PEG3: variants seen among roughly 807,000 people sequenced by gnomAD.
The protein encoded by PEG3 is paternally-expressed gene 3 protein.
A neutral mutation model predicts 35.5 loss-of-function variants in PEG3; 23 were observed. That is an observed-to-expected ratio of 0.65 (90% CI 0.47 to 0.92). The LOEUF (loss-of-function observed/expected upper bound fraction) is 0.92. PEG3 is among the 40% of genes least tolerant of loss of function. The probability of loss-of-function intolerance (pLI) is 0.00; values close to 1 mark genes in which losing one functional copy is unlikely to be tolerated. For missense variants in PEG3, 1,960 were observed against 1,985.3 expected (o/e 0.99, Z 0.24); for synonymous variants, 707 against 697.0 (o/e 1.01, Z -0.23).
rs2060089669 is a variant in PEG3, at chr19:56,817,521, A to G, written c.921T>C (p.Asp307=). 5.0e-6 allele frequency: 8 copies of G among 1,606,164 alleles called. No homozygotes were observed. Among genetic ancestry groups the G allele is most frequent in the Non-Finnish European group, 6.8e-6 (8 of 1,175,530 alleles). Residue 307 remains aspartate, a synonymous_variant, in exon 10 of 10, where the codon GAT becomes GAC. Coordinates refer to ENST00000326441, the MANE Select transcript of PEG3 (RefSeq NM_006210.3). ...CCATTATCACTCCGTGGGAAGATTCATCTTCACAAATCCCCCGCCGGTGGG... is the reference window on the plus strand; with the variant it reads ...CCATTATCACTCCGTGGGAAGATTCGTCTTCACAAATCCCCCGCCGGTGGG... ...KSTHRRGICE[D]ESSHGVIMEK... is the part of the protein sequence containing the mutation.
intron 7 of PEG3, among the ~76,000 whole-genome samples, chr19:56,819,450 T>C (rs1450782483): frequency 6.6e-6 from 1 of 152,196 alleles, no homozygotes; most frequent in Non-Finnish European, 1.5e-5. Flanking sequence ...TAAAGGACCT[T>C]TGCTTATTGC....
chr19:56,839,165 C>G (rs557626495), intron 1 of PEG3, among the ~76,000 whole-genome samples: 1 of 152,204 alleles, frequency 6.6e-6, no homozygotes, highest in Non-Finnish European at 1.5e-5. Flanking sequence ...GAACAAACCA[C>G]TAGGTCCAAT....
intron 6 of PEG3, 83 bp downstream of exon 6, chr19:56,822,670 G>A (rs761720909): frequency 1.7e-5 from 26 of 1,549,260 alleles, no homozygotes; most frequent in Non-Finnish European, 2.1e-5. Context: ...CAGAAACTTC[G>A]AGGCCCTGGC....
intron 1 of PEG3, among the ~76,000 whole-genome samples, chr19:56,838,342 G>A (rs1053801884): frequency 6.6e-5 from 10 of 152,182 alleles, no homozygotes; most frequent in African/African-American, 1.9e-4. Context: ...TGGCGCCTGC[G>A]CAATCAACCT....
In PEG3 at chr19:56,816,842, C is replaced by T. The variant is rs2146203800; in HGVS notation, c.1600G>A (p.Glu534Lys). Residue 534 changes from glutamate (E) to lysine (K), a missense_variant, in exon 10 of 10, where the codon GAA becomes AAA. Around this residue, in one of 5 missense-constraint regions of PEG3, gnomAD observed 798 missense variants for 782.4 expected, o/e 1.02. Transcript: ENST00000326441. ...TCCTCACATTCCTGATTCTTACATT[C>T]CACAAGATAACCTCTAGCATGAATC... The part of the protein sequence containing the change: ...RKIHARGYLV[E>K]CKNQECEEAF... 6.2e-7 allele frequency: 1 copy of T among 1,614,130 alleles called. No individual in the cohort carries two copies. Among genetic ancestry groups the T allele is most frequent in the Admixed American group, 1.7e-5 (1 of 60,024 alleles).
chr19:56,813,551 G>C lies in PEG3; in HGVS notation c.*124C>G. 1 of 1,448,398 alleles carries C rather than the reference G, an allele frequency of 6.9e-7. No individual in the cohort carries two copies. The highest frequency in any genetic ancestry group is 9.1e-7 in the Non-Finnish European group (1 of 1,097,736). The allele number at this position is 1,448,398 out of a possible 1,614,324, so 89.7% of individuals were successfully genotyped here. On this transcript the variant is annotated 3_prime_UTR_variant, in exon 10 of 10. Transcript: ENST00000326441. ...TTCAATCTGAGTTTAGAGATGTTAAGTCAGGTGTGTAACACACTAAGGTTA... is the reference window on the plus strand; with the variant it reads ...TTCAATCTGAGTTTAGAGATGTTAACTCAGGTGTGTAACACACTAAGGTTA...
At position 56,815,272 on chromosome 19, in the gene PEG3, T is replaced by C; in HGVS notation, c.3170A>G (p.Lys1057Arg). 6.2e-7 allele frequency: 1 copy of C among 1,614,242 alleles called. No homozygotes were observed. Among genetic ancestry groups the C allele is most frequent in the African/African-American group, 1.3e-5 (1 of 75,072 alleles). The change falls in exon 10 of 10, where the codon AAG (lysine) becomes AGG (arginine). Residue 1057 changes from lysine (K) to arginine (R), a missense_variant. Lys to Arg is a conservative substitution (Grantham distance 26). Around this residue, in one of 5 missense-constraint regions of PEG3, gnomAD observed 798 missense variants for 782.4 expected, o/e 1.02. Transcript: ENST00000326441. ...GCCTTGAGACTCCTCGCCATGAGAC[T>C]TCTCTTGGTCATAGATTTTCTGGTT... The part of the protein sequence containing the change: ...NTNQKIYDQE[K>R]SHGEESQGEN...
At chr19:56,824,222 A>G (rs2060795215) in intron 4 of PEG3, 40 bp downstream of exon 4, 2 of 1,592,614 alleles carry the variant, frequency 1.3e-6, no homozygotes, top group South Asian at 2.3e-5. Context: ...GGGACACCTG[A>G]GGCCTGCACT....
At chr19:56,839,436 G>A (rs1033555206) in intron 1 of PEG3, among the ~76,000 whole-genome samples, 4 of 148,796 alleles carry the variant, frequency 2.7e-5, no homozygotes, top group Admixed American at 6.7e-5. Flanking sequence ...GGCCTGAACA[G>A]ATCGTCACAT....
chr19:56,816,890 C>A lies in PEG3; in HGVS notation c.1552G>T (p.Ala518Ser). Residue 518 changes from alanine to serine, a missense_variant, in exon 10 of 10, where the codon GCC (alanine) becomes TCC (serine). By Grantham distance (99) the Ala-to-Ser change is moderately conservative. Around this residue, in one of 5 missense-constraint regions of PEG3, gnomAD observed 798 missense variants for 782.4 expected, o/e 1.02. Coordinates refer to ENST00000326441, the MANE Select transcript of PEG3 (RefSeq NM_006210.3). Reference protein sequence around the residue: ...KDCGETFNKSAALAEHRKIHA... With the variant: ...KDCGETFNKSSALAEHRKIHA... ...ATCTTCCGATGTTCAGCCAAGGCGG[C>A]ACTCTTATTGAAGGTCTCTCCACAG... 1.9e-6 allele frequency: 3 copies of A among 1,614,166 alleles called. No individual in the cohort carries two copies. The highest frequency in any genetic ancestry group is 1.1e-5 in the South Asian group (1 of 91,080).
Position 56,824,405 on chromosome 19 carries a change from T to C in PEG3, c.251A>G (p.Glu84Gly), listed in dbSNP as rs1266149259. 6.2e-7 allele frequency: 1 copy of C among 1,614,002 alleles called. No homozygotes were observed. Among genetic ancestry groups the C allele is most frequent in the Non-Finnish European group, 8.5e-7 (1 of 1,180,032 alleles). The change falls in exon 4 of 10, where the codon GAG becomes GGG. Residue 84 changes from glutamate (E) to glycine (G), a missense_variant. Physicochemically the swap from Glu to Gly is moderately conservative, Grantham distance 98. Around this residue, in one of 5 missense-constraint regions of PEG3, gnomAD observed 613 missense variants for 577.1 expected, o/e 1.06. Coordinates refer to ENST00000326441, the MANE Select transcript of PEG3 (RefSeq NM_006210.3). ...CTCAAGGACCAAGAGCTCGATGATC[T>C]CCTCCTTGGTGCGGGTCTCCGGCTG... is the stretch of plus-strand genomic sequence containing the variant. Reference protein sequence around the residue: ...WLQPETRTKEEIIELLVLEQY... With the variant: ...WLQPETRTKEGIIELLVLEQY...
At position 56,818,650 on chromosome 19, in the gene PEG3, T is replaced by A; in HGVS notation, c.722A>T (p.His241Leu). The A allele has an allele frequency of 1.2e-6, 2 of 1,614,208 alleles. No homozygotes were observed. Among genetic ancestry groups the A allele is most frequent in the Non-Finnish European group, 1.7e-6 (2 of 1,180,042 alleles). The change falls in exon 8 of 10, where the codon CAC (histidine) becomes CTC (leucine). Residue 241 changes from histidine to leucine, a missense_variant. Around this residue, in one of 5 missense-constraint regions of PEG3, gnomAD observed 613 missense variants for 577.1 expected, o/e 1.06. Coordinates refer to ENST00000326441, the MANE Select transcript of PEG3 (RefSeq NM_006210.3). The part of the protein sequence containing the change: ...VVDLAEDRKP[H>L]NTIQDNMENY... Reference sequence around the variant, plus strand: ...TTCCATGTTGTCCTGGATTGTGTTGTGAGGTTTCCTGTCCTCAGCGAGGTC... The same window carrying A: ...TTCCATGTTGTCCTGGATTGTGTTGAGAGGTTTCCTGTCCTCAGCGAGGTC...
intron 1 of PEG3, among the ~76,000 whole-genome samples, chr19:56,838,782 C>G (rs1282214834): frequency 6.6e-6 from 1 of 152,236 alleles, no homozygotes; most frequent in Admixed American, 6.5e-5. Flanking sequence ...CACACACAGC[C>G]CAAGGAGCGC....
At chr19:56,832,587 T>C (rs1339957645) in intron 2 of PEG3, among the ~76,000 whole-genome samples, 2 of 152,134 alleles carry the variant, frequency 1.3e-5, no homozygotes, top group South Asian at 2.1e-4. Flanking sequence ...CAGTGTTAAG[T>C]AGTAGCCAAC....
rs747369345 is a variant in PEG3, at chr19:56,824,671, T to A, written c.-16A>T. On this transcript the variant is annotated 5_prime_UTR_variant, in exon 4 of 10. Transcript: ENST00000326441. The stretch of plus-strand genomic sequence containing the variant: ...GAGGCAGCATTTCTCTAAGTAAAAT[T>A]TTCACTGGAGGAACCAAACATGAGT... The A allele has an allele frequency of 6.3e-7, 1 of 1,584,710 alleles. No individual in the cohort carries two copies. The highest frequency in any genetic ancestry group is 8.6e-7 in the Non-Finnish European group (1 of 1,163,726).
chr19:56,817,805 T>G lies in PEG3; in HGVS notation c.803A>C (p.His268Pro). ...TCTTGATGAGTGGCCCTGCGTCATG[T>G]GGGAGTGGCCATCGTCTTCAGCAAG... ...VQLAEDDGHS[H>P]MTQGHSSRSK... The change falls in exon 9 of 10, where the codon CAC becomes CCC. Residue 268 changes from histidine to proline, a missense_variant. Transcript: ENST00000326441. The G allele has an allele frequency of 2.5e-6, 4 of 1,614,152 alleles. No homozygotes were observed. The highest frequency in any genetic ancestry group is 2.5e-6 in the Non-Finnish European group (3 of 1,180,030).
At chr19:56,838,907 G>A (rs1450590734) in intron 1 of PEG3, among the ~76,000 whole-genome samples, 2 of 152,150 alleles carry the variant, frequency 1.3e-5, no homozygotes, top group Admixed American at 6.5e-5. Context: ...CCCGATCAAA[G>A]ATGGCACCCA....
intron 1 of PEG3, among the ~76,000 whole-genome samples, chr19:56,838,738 G>A (rs2062529390): frequency 6.6e-6 from 1 of 152,230 alleles, no homozygotes; most frequent in South Asian, 2.1e-4. Flanking sequence ...CGGGGACTGA[G>A]CCAGTCCCAC....
Position 56,813,465 on chromosome 19 carries a change from G to A in PEG3, c.*210C>T. ...GATGTGTGCTATGGCTTTCCCACAT[G>A]CAGACACTGACATCTGAAGGGGAAA... On this transcript the variant is annotated 3_prime_UTR_variant, in exon 10 of 10. Transcript: ENST00000326441. 7.2e-7 allele frequency: 1 copy of A among 1,389,176 alleles called. No homozygotes were observed. The highest frequency in any genetic ancestry group is 9.3e-7 in the Non-Finnish European group (1 of 1,072,466). The allele number at this position is 1,389,176 out of a possible 1,614,324, so 86.1% of individuals were successfully genotyped here.
Sources: gnomAD v4.1 joint callset for allele counts (sites outside exome capture counted in the v4.1 genomes callset) on GRCh38, gnomAD v4.1.1 for gene constraint, gnomAD v4.1.1 regional missense constraint, MANE v1.5 for transcripts, NCBI Gene and HGNC (gene_info 2026-07-23, HGNC 2026-07-21) for gene names.